Variants in DPYD observed in about 807,000 individuals in gnomAD.
The protein encoded by DPYD is dihydropyrimidine dehydrogenase, also known as dihydropyrimidine dehydrogenase [NADP(+)].
DPYD carries 109 observed loss-of-function variants against 116.2 expected under a neutral mutation model. That is an observed-to-expected ratio of 0.94 (90% CI 0.80 to 1.10). The LOEUF is 1.10. Among genes scored for constraint, DPYD ranks in the 50% least tolerant of loss-of-function variants. The pLI is 0.00. For synonymous variants in DPYD, 440 were observed against 432.0 expected, an observed-to-expected ratio of 1.02 and a Z score of -0.23; for missense variants, 1,302 against 1,254.5, an observed-to-expected ratio of 1.04 and a Z score of -0.57.
At chr1:97,697,420 A>T (rs910422329) in intron 6 of DPYD, among the ~76,000 whole-genome samples, 1 of 152,128 alleles carries the variant, frequency 6.6e-6, no homozygotes, top group Non-Finnish European at 1.5e-5. Context: ...AAGATACAAG[A>T]GAATGAGAGG....
chr1:97,546,658 G>A (rs1310295846), intron 12 of DPYD: 7 of 1,612,718 alleles, frequency 4.3e-6, no homozygotes, highest in Non-Finnish European at 5.9e-6. Flanking sequence ...AGATAGGAAG[G>A]AGCAGACATT....
At chr1:97,480,596 T>C (rs1025674396) in intron 13 of DPYD, among the ~76,000 whole-genome samples, 5 of 152,230 alleles carry the variant, frequency 3.3e-5, no homozygotes, top group African/African-American at 1.2e-4. Flanking sequence ...GGCAGGGAAT[T>C]GCTGAATTTC....
chr1:97,148,355 C>T lies in DPYD; in HGVS notation c.2622+44714G>A, dbSNP rs567478816. ...TTCCATACTATAGAGAAAACATCCA[C>T]ATTTGCTTGCAGTTTGTGCAGCTTA... On this transcript the variant is annotated intron_variant, in intron 20 of 22. Coordinates refer to ENST00000370192, the MANE Select transcript of DPYD (RefSeq NM_000110.4). Among the ~76,000 whole-genome samples the T allele has an allele frequency of 9.1e-4, 139 of 152,064 alleles. 1 individual carries two copies. Among genetic ancestry groups the T allele is most frequent in the Admixed American group, 2.0e-4 (3 of 15,264 alleles).
At chr1:97,401,111 C>A (rs1673351441) in intron 14 of DPYD, among the ~76,000 whole-genome samples, 1 of 152,052 alleles carries the variant, frequency 6.6e-6, no homozygotes, top group Non-Finnish European at 1.5e-5. Context: ...TGTTTATCTT[C>A]TTTGATGAGG....
chr1:97,354,111 C>G (rs11165846), intron 16 of DPYD, among the ~76,000 whole-genome samples: 39,568 of 152,128 alleles, frequency 0.26, 5,390 homozygotes, highest in East Asian at 0.48. Flanking sequence ...TGAGAGCCTG[C>G]TAAACAAAAA....
In DPYD at chr1:97,457,523, G is replaced by A. The variant is rs12082772; in HGVS notation, c.1741-7300C>T. On this transcript the variant is annotated intron_variant, in intron 13 of 22. Transcript: ENST00000370192. ...TTTTGACCTTCTCATCTGCCGATCC[G>A]GATAACCATCACTCTGTCACAGAGA... 8.4e-3 allele frequency among the ~76,000 whole-genome samples: 1,274 copies of A among 152,076 alleles called. 13 individuals are homozygous for A. Among genetic ancestry groups the A allele is most frequent in the African/African-American group, 0.029 (1,193 of 41,496 alleles).
At chr1:97,469,296 C>T (rs1326961949) in intron 13 of DPYD, among the ~76,000 whole-genome samples, 1 of 149,492 alleles carries the variant, frequency 6.7e-6, no homozygotes, top group Non-Finnish European at 1.5e-5. Flanking sequence ...AACCTCATGG[C>T]TCTGATAACC....
intron 2 of DPYD, among the ~76,000 whole-genome samples, chr1:97,843,936 T>A (rs1222384794): frequency 6.6e-6 from 1 of 152,114 alleles, no homozygotes. Flanking sequence ...TTTAACACTA[T>A]GTGATAACCT....
intron 18 of DPYD, among the ~76,000 whole-genome samples, chr1:97,258,648 T>C (rs1663672474): frequency 6.6e-6 from 1 of 152,160 alleles, no homozygotes; most frequent in African/African-American, 2.4e-5. Flanking sequence ...AGAGATGCAA[T>C]GAGGCCTGTT....
At chr1:97,164,732 C>T (rs1374778099) in intron 20 of DPYD, among the ~76,000 whole-genome samples, 4 of 152,026 alleles carry the variant, frequency 2.6e-5, no homozygotes, top group Non-Finnish European at 4.4e-5. Context: ...CGTGAAAGAT[C>T]GCTACAATGA....
chr1:97,387,697 G>C (rs1222093566), intron 14 of DPYD, among the ~76,000 whole-genome samples: 1 of 152,098 alleles, frequency 6.6e-6, no homozygotes, highest in Non-Finnish European at 1.5e-5. Flanking sequence ...GTGGAAGTGA[G>C]TAAAAGCAGC....
chr1:97,446,174 T>C (rs1676076712), intron 14 of DPYD, among the ~76,000 whole-genome samples: 1 of 152,256 alleles, frequency 6.6e-6, no homozygotes, highest in African/African-American at 2.4e-5. Context: ...GACATCAAAA[T>C]TTGAGTAGTT....
chr1:97,914,873 T>C (rs1371779071), intron 1 of DPYD, among the ~76,000 whole-genome samples: 4 of 152,278 alleles, frequency 2.6e-5, no homozygotes, highest in African/African-American at 9.6e-5. Context: ...AAATCTATAA[T>C]GCACCTCTTT....
chr1:97,123,524 A>G (rs1004725973), intron 20 of DPYD, among the ~76,000 whole-genome samples: 1 of 152,154 alleles, frequency 6.6e-6, no homozygotes, highest in African/African-American at 2.4e-5. Context: ...ATATATGAAG[A>G]AAAATATATA....
intron 7 of DPYD, among the ~76,000 whole-genome samples, chr1:97,690,559 G>T (rs1001924514): frequency 1.3e-5 from 2 of 151,760 alleles, no homozygotes; most frequent in African/African-American, 4.8e-5. Flanking sequence ...CTTTGTGTTG[G>T]GAACATTCAT....
At chr1:97,461,629 T>G (rs1045997169) in intron 13 of DPYD, among the ~76,000 whole-genome samples, 5 of 152,172 alleles carry the variant, frequency 3.3e-5, no homozygotes, top group African/African-American at 9.7e-5. Context: ...CAAACTACCC[T>G]AAATATAAGA....
intron 20 of DPYD, among the ~76,000 whole-genome samples, chr1:97,115,817 C>T (rs1651924633): frequency 6.6e-6 from 1 of 152,080 alleles, no homozygotes; most frequent in South Asian, 2.1e-4. Context: ...TATGTAATGA[C>T]TACACAGATG....
At chr1:97,527,253 A>AT (rs1328351695) in intron 12 of DPYD, among the ~76,000 whole-genome samples, 1 of 151,740 alleles carries the variant, frequency 6.6e-6, no homozygotes, top group Non-Finnish European at 1.5e-5. Context: ...TAATTTTTGT[A>AT]TTTTTTGTAG....
At chr1:97,730,471 G>T (rs981597633) in intron 4 of DPYD, among the ~76,000 whole-genome samples, 12 of 152,074 alleles carry the variant, frequency 7.9e-5, no homozygotes, top group African/African-American at 2.4e-4. Context: ...TAATCCAGCC[G>T]CCTCGGCCTC....
Sources: allele counts gnomAD v4.1 joint callset (sites outside exome capture counted in the v4.1 genomes callset), GRCh38; gene constraint gnomAD v4.1.1; transcripts MANE v1.5; gene names NCBI Gene and HGNC (gene_info 2026-07-23, HGNC 2026-07-21).